The following TLN2 variants were observed in gnomAD, a reference collection of about 807,000 sequenced individuals.
TLN2 encodes talin 2.
Under a neutral mutation model 294.7 loss-of-function variants are expected in TLN2, and 118 were observed. The ratio of observed to expected loss-of-function variants is 0.40; its 90% confidence interval spans 0.34 to 0.47. The LOEUF is 0.47. TLN2 is among the 20% of genes least tolerant of loss of function. The pLI, the probability that TLN2 is intolerant of heterozygous loss-of-function variation, is 0.84. For synonymous variants in TLN2, 1,431 were observed against 1,304.5 expected (o/e 1.10, Z -2.09); for missense variants, 3,083 against 3,282.2 (o/e 0.94, Z 1.48).
intron 5 of TLN2, among the ~76,000 whole-genome samples, chr15:62,651,307 C>G (rs1435156309): frequency 6.6e-6 from 1 of 152,134 alleles, no homozygotes; most frequent in Non-Finnish European, 1.5e-5. Flanking sequence ...GGTTCAATTT[C>G]ACTATCAAAT....
rs75236944 is a variant in TLN2, at chr15:62,597,437, A to T, written c.-162+7675A>T. 5.8e-3 allele frequency among the ~76,000 whole-genome samples: 887 copies of T among 152,274 alleles called. 5 individuals carry two copies. Among genetic ancestry groups the T allele is most frequent in the African/African-American group, 0.02 (849 of 41,562 alleles). On this transcript the variant is annotated intron_variant, in intron 2 of 58. Coordinates refer to ENST00000636159, the MANE Select transcript of TLN2 (RefSeq NM_015059.3). ...CCCTCAGTGGAGTATGTTTAAATGG[A>T]TTCCCCTTTTATACTGCAGCAGCTA... is the stretch of plus-strand genomic sequence containing the variant.
At chr15:62,419,177 A>C (rs1007307056) in intron 1 of TLN2, among the ~76,000 whole-genome samples, 9 of 152,244 alleles carry the variant, frequency 5.9e-5, no homozygotes, top group African/African-American at 2.2e-4. Context: ...CTATTCCACT[A>C]ATTTTTATAT....
chr15:62,603,049 C>T (rs1449846208), intron 2 of TLN2, among the ~76,000 whole-genome samples: 6 of 152,146 alleles, frequency 3.9e-5, no homozygotes, highest in East Asian at 1.9e-4. Flanking sequence ...CCAGCCACCA[C>T]GCCCGGCTAA....
chr15:62,726,881 G>A (rs151275067), intron 27 of TLN2, among the ~76,000 whole-genome samples: 1,706 of 152,202 alleles, frequency 0.011, 16 homozygotes, highest in Middle Eastern at 0.051. Context: ...GGAGGGGAGG[G>A]GGCATGGGGC....
At chr15:62,630,127 T>G (rs1160886618) in intron 3 of TLN2, among the ~76,000 whole-genome samples, 1 of 67,414 alleles carries the variant, frequency 1.5e-5, no homozygotes, top group African/African-American at 5.2e-5. Context: ...AGCCTTTCTG[T>G]AACTATTGGA....
intron 1 of TLN2, among the ~76,000 whole-genome samples, chr15:62,495,678 C>T (rs1023701798): frequency 6.6e-6 from 1 of 152,208 alleles, no homozygotes; most frequent in East Asian, 1.9e-4. Flanking sequence ...TGGGCCCAGG[C>T]CTATCACCTA....
At position 62,535,074 on chromosome 15, in the gene TLN2, G is replaced by T. The variant is rs550595938; in HGVS notation, c.-237-54613G>T. On this transcript the variant is annotated intron_variant, in intron 1 of 58. Coordinates refer to ENST00000636159, the MANE Select transcript of TLN2 (RefSeq NM_015059.3). ...TGGTATCATTTTGGAAACTTGAGTA[G>T]ATTTTAGTGAACTTCCCTGTGTGAG... is the stretch of plus-strand genomic sequence containing the variant. Among the ~76,000 whole-genome samples the T allele has an allele frequency of 2.2e-4, 33 of 152,294 alleles. No homozygotes were observed. In the South Asian group the frequency reaches 6.2e-3, roughly 29 times the overall value.
chr15:62,659,716 A>G (rs1222604854), intron 9 of TLN2, among the ~76,000 whole-genome samples: 1 of 152,188 alleles, frequency 6.6e-6, no homozygotes, highest in Non-Finnish European at 1.5e-5. Context: ...TCAGATTCCA[A>G]ATTAAAATAA....
At chr15:62,424,588 C>A (rs896714032) in intron 1 of TLN2, among the ~76,000 whole-genome samples, 2 of 152,210 alleles carry the variant, frequency 1.3e-5, no homozygotes, top group Non-Finnish European at 2.9e-5. Context: ...CACACCAGGG[C>A]CTAGCCCCAT....
chr15:62,836,516 C>T (rs1305708773), intron 57 of TLN2, among the ~76,000 whole-genome samples: 1 of 152,194 alleles, frequency 6.6e-6, no homozygotes, highest in East Asian at 1.9e-4. Flanking sequence ...TCATCTGTGC[C>T]TCTCTCATAC....
intron 4 of TLN2, 42 bp downstream of exon 4, chr15:62,647,488 C>T: frequency 1.2e-6 from 2 of 1,611,990 alleles, no homozygotes. Context: ...AACGTGTTTG[C>T]ATGTTTTTCA....
chr15:62,544,562 TA>T (rs2041882258), intron 1 of TLN2, among the ~76,000 whole-genome samples: 1 of 152,182 alleles, frequency 6.6e-6, no homozygotes. Flanking sequence ...CATAGTCTTT[TA>T]AAGGTTCTAA....
At chr15:62,511,636 G>A (rs1334985761) in intron 1 of TLN2, among the ~76,000 whole-genome samples, 1 of 150,648 alleles carries the variant, frequency 6.6e-6, no homozygotes, top group East Asian at 2.0e-4. Context: ...TTCTGCCACT[G>A]ACAGAGGGAT....
At chr15:62,675,366 T>A (rs772114158) in intron 11 of TLN2, 45 bp downstream of exon 11, 16 of 1,591,378 alleles carry the variant, frequency 1.0e-5, no homozygotes, top group Non-Finnish European at 1.3e-5. Flanking sequence ...GGCCCCTTCT[T>A]TTTTCTTTTG....
chr15:62,738,047 G>A (rs924603586), intron 29 of TLN2, among the ~76,000 whole-genome samples, 167 bp from the exon 30 acceptor site: 19 of 152,158 alleles, frequency 1.2e-4, no homozygotes, highest in African/African-American at 4.3e-4. Context: ...AAACATCTCT[G>A]GGACAAGGGG....
chr15:62,746,336 C>T (rs1189104859), intron 32 of TLN2, among the ~76,000 whole-genome samples: 1 of 152,134 alleles, frequency 6.6e-6, no homozygotes, highest in Non-Finnish European at 1.5e-5. Flanking sequence ...TAAAAGCGCG[C>T]ATTGAGGACT....
At chr15:62,621,615 G>T (rs2140859623) in intron 3 of TLN2, among the ~76,000 whole-genome samples, 1 of 152,324 alleles carries the variant, frequency 6.6e-6, no homozygotes, top group African/African-American at 2.4e-5. Flanking sequence ...ATATGAAGGG[G>T]TGGCAGAGGT....
intron 3 of TLN2, among the ~76,000 whole-genome samples, chr15:62,632,849 G>A (rs2050036246): frequency 6.6e-6 from 1 of 152,170 alleles, no homozygotes; most frequent in African/African-American, 2.4e-5. Context: ...CTTTTTATAT[G>A]ATGGAGGAGC....
At chr15:62,476,924 A>G (rs1286292450) in intron 1 of TLN2, among the ~76,000 whole-genome samples, 5 of 152,036 alleles carry the variant, frequency 3.3e-5, no homozygotes. Context: ...ATCCCCAGGT[A>G]TGCATCCTCT....
Sources: allele counts gnomAD v4.1 joint callset (sites outside exome capture counted in the v4.1 genomes callset), GRCh38; gene constraint gnomAD v4.1.1; transcripts MANE v1.5; gene names NCBI Gene and HGNC (gene_info 2026-07-23, HGNC 2026-07-21).